The following STK32B variants were observed in gnomAD, a reference collection of about 807,000 sequenced individuals.
STK32B encodes the protein serine/threonine-protein kinase 32B.
A neutral mutation model predicts 52.6 loss-of-function variants in STK32B; 43 were observed. The observed-to-expected ratio is 0.82, with a 90% CI of 0.64 to 1.05. The LOEUF (loss-of-function observed/expected upper bound fraction) is 1.05, where lower values mean the gene tolerates loss of function less well. Among genes scored for constraint, STK32B ranks in the 50% least tolerant of loss-of-function variants. STK32B has a pLI of 0.00. For synonymous variants in STK32B, 238 were observed against 204.3 expected (o/e 1.17, Z -1.41); for missense variants, 621 against 534.6 (o/e 1.16, Z -1.59).
chr4:5,457,438 A>G (rs1362045726), intron 8 of STK32B, among the ~76,000 whole-genome samples: 19 of 150,690 alleles, frequency 1.3e-4, no homozygotes, highest in Admixed American at 1.2e-3. Flanking sequence ...GATGGTCTCA[A>G]TCTCCTGACC....
At chr4:5,478,887 C>T (rs1718443998) in intron 11 of STK32B, among the ~76,000 whole-genome samples, 1 of 152,224 alleles carries the variant, frequency 6.6e-6, no homozygotes, top group African/African-American at 2.4e-5. Flanking sequence ...CCACACTTGG[C>T]ATCCCTTGCT....
chr4:5,457,956 G>GAAGGA (rs1355483509), intron 8 of STK32B, among the ~76,000 whole-genome samples: 1 of 147,394 alleles, frequency 6.8e-6, no homozygotes, highest in African/African-American at 2.5e-5. Context: ...AGGAAGGAAG[G>GAAGGA]AAGGAAAGGA....
At chr4:5,158,374 TGA>T (rs779326410) in intron 2 of STK32B, among the ~76,000 whole-genome samples, 5 of 152,238 alleles carry the variant, frequency 3.3e-5, no homozygotes, top group Middle Eastern at 3.4e-3. Flanking sequence ...TCAGTGTGGG[TGA>T]GCAGGGGCAT....
At chr4:5,242,945 T>G (rs186898939) in intron 3 of STK32B, among the ~76,000 whole-genome samples, 1 of 152,218 alleles carries the variant, frequency 6.6e-6, no homozygotes, top group African/African-American at 2.4e-5. Context: ...ATATCTCTGT[T>G]TTGGTACCAG....
chr4:5,341,618 C>T (rs28533170), intron 4 of STK32B, among the ~76,000 whole-genome samples: 3,782 of 152,190 alleles, frequency 0.025, 73 homozygotes, highest in East Asian at 0.075. Flanking sequence ...GTTCTTGCAT[C>T]GCTGTAAAGA....
intron 1 of STK32B, among the ~76,000 whole-genome samples, chr4:5,063,331 C>T (rs1742288471): frequency 6.6e-6 from 1 of 152,024 alleles, no homozygotes; most frequent in Admixed American, 6.6e-5. Flanking sequence ...ACCAAACATA[C>T]CCCAAAGATT....
At chr4:5,459,225 GT>G (rs1235324478) in intron 8 of STK32B, among the ~76,000 whole-genome samples, 1 of 152,030 alleles carries the variant, frequency 6.6e-6, no homozygotes, top group Non-Finnish European at 1.5e-5. Flanking sequence ...GCAGTGACAG[GT>G]GTGTGTGAAC....
At chr4:5,156,679 G>A (rs945147613) in intron 2 of STK32B, among the ~76,000 whole-genome samples, 3 of 152,208 alleles carry the variant, frequency 2.0e-5, no homozygotes, top group Non-Finnish European at 4.4e-5. Context: ...CCCTCTGCTT[G>A]AAGAGCTGCA....
chr4:5,100,130 C>T (rs1713644299), intron 1 of STK32B, among the ~76,000 whole-genome samples: 1 of 152,188 alleles, frequency 6.6e-6, no homozygotes, highest in Admixed American at 6.5e-5. Context: ...AGAGCCAGCA[C>T]AGTGAGCAAT....
intron 1 of STK32B, among the ~76,000 whole-genome samples, chr4:5,094,963 C>T (rs1351233407): frequency 1.3e-5 from 2 of 152,230 alleles, no homozygotes; most frequent in East Asian, 3.9e-4. Flanking sequence ...CCAGGCCCTG[C>T]CCTGGGCACT....
At chr4:5,050,122 G>A (rs542565247), upstream of STK32B, among the ~76,000 whole-genome samples, 3 of 152,298 alleles carry the variant, frequency 2.0e-5, no homozygotes, top group African/African-American at 7.2e-5. Flanking sequence ...TGTGTTCAGG[G>A]CATTGCCTGC....
intron 3 of STK32B, among the ~76,000 whole-genome samples, chr4:5,298,885 C>T (rs968098902): frequency 2.6e-5 from 4 of 151,738 alleles, no homozygotes; most frequent in Non-Finnish European, 5.9e-5. Flanking sequence ...GCCCAAACAG[C>T]CACCCAGTTT....
intron 4 of STK32B, among the ~76,000 whole-genome samples, chr4:5,364,924 G>A (rs369141253): frequency 2.0e-5 from 3 of 152,264 alleles, no homozygotes; most frequent in Admixed American, 2.0e-4. Context: ...TGCCCAGGCT[G>A]GAGTGCAATG....
intron 3 of STK32B, among the ~76,000 whole-genome samples, chr4:5,215,059 C>T (rs914564374): frequency 5.3e-5 from 8 of 152,154 alleles, no homozygotes; most frequent in Admixed American, 2.0e-4. Flanking sequence ...AAAATCTAAA[C>T]ATTGCTTTTC....
chr4:5,210,258 C>G (rs773291946), intron 3 of STK32B, among the ~76,000 whole-genome samples: 1 of 152,050 alleles, frequency 6.6e-6, no homozygotes, highest in Non-Finnish European at 1.5e-5. Context: ...TCTCCTCCTC[C>G]TCCTCCTCAA....
At chr4:5,314,577 G>A (rs1044265243) in intron 3 of STK32B, among the ~76,000 whole-genome samples, 3 of 152,176 alleles carry the variant, frequency 2.0e-5, no homozygotes, top group Non-Finnish European at 4.4e-5. Flanking sequence ...GGCTGAGGCA[G>A]GAGAATCACT....
chr4:5,186,931 G>A (rs1318599420), intron 3 of STK32B, among the ~76,000 whole-genome samples: 2 of 152,224 alleles, frequency 1.3e-5, no homozygotes, highest in Non-Finnish European at 2.9e-5. Flanking sequence ...TGGCAGCTGT[G>A]AGTGTGGGTC....
intron 3 of STK32B, among the ~76,000 whole-genome samples, chr4:5,202,193 C>G (rs924899815): frequency 2.0e-5 from 3 of 152,236 alleles, no homozygotes; most frequent in African/African-American, 4.8e-5. Context: ...AAAGGGGCAA[C>G]AGGCATGCAA....
intron 6 of STK32B, among the ~76,000 whole-genome samples, chr4:5,424,381 G>T (rs990613038): frequency 6.6e-6 from 1 of 152,184 alleles, no homozygotes; most frequent in Non-Finnish European, 1.5e-5. Flanking sequence ...TGGGGGCTGG[G>T]TCACCAGTTC....
Sources: gnomAD v4.1 joint callset for allele counts (sites outside exome capture counted in the v4.1 genomes callset) on GRCh38, gnomAD v4.1.1 for gene constraint, MANE v1.5 for transcripts, NCBI Gene and HGNC (gene_info 2026-07-23, HGNC 2026-07-21) for gene names.